Variants in ZCCHC14 observed in about 807,000 individuals in gnomAD.
The protein encoded by ZCCHC14 is zinc finger CCHC-type containing 14, also known as zinc finger CCHC domain-containing protein 14.
Under a neutral mutation model 85.0 loss-of-function variants are expected in ZCCHC14, and 16 were observed. The ratio of observed to expected loss-of-function variants is 0.19; its 90% CI spans 0.13 to 0.29. ZCCHC14 has a LOEUF of 0.29. Ranked by LOEUF, ZCCHC14 falls within the 10% of genes least tolerant of loss-of-function variation. The probability of loss-of-function intolerance (pLI) is 1.00; values close to 1 mark genes in which losing one functional copy is unlikely to be tolerated. For missense variants in ZCCHC14, 1,303 were observed against 1,443.5 expected (o/e 0.90, Z 1.58); for synonymous variants, 775 against 630.7 (o/e 1.23, Z -3.43).
intron 3 of ZCCHC14, among the ~76,000 whole-genome samples, chr16:87,425,574 C>CA (rs1274904709): frequency 0.018 from 2,483 of 139,068 alleles, 55 homozygotes; most frequent in African/African-American, 0.052. Flanking sequence ...GAAACTCTAT[C>CA]AAAAAAAAAA....
chr16:87,421,081 C>A (rs544828576), intron 4 of ZCCHC14, among the ~76,000 whole-genome samples: 2 of 152,372 alleles, frequency 1.3e-5, no homozygotes, highest in South Asian at 4.1e-4. Context: ...TCTGGAGAGA[C>A]AGGTTCCGAT....
chr16:87,417,124 C>T (rs1908827746), intron 8 of ZCCHC14, among the ~76,000 whole-genome samples: 2 of 152,174 alleles, frequency 1.3e-5, no homozygotes, highest in Non-Finnish European at 2.9e-5. Context: ...CCAGCTACGC[C>T]GAGAAATGTC....
At chr16:87,454,790 A>G (rs1430662904) in intron 2 of ZCCHC14, among the ~76,000 whole-genome samples, 1 of 152,228 alleles carries the variant, frequency 6.6e-6, no homozygotes, top group African/African-American at 2.4e-5. Context: ...TACATGGTGC[A>G]GAGCACACGT....
chr16:87,470,188 C>T (rs1911714816), intron 1 of ZCCHC14, among the ~76,000 whole-genome samples: 1 of 151,932 alleles, frequency 6.6e-6, no homozygotes, highest in Admixed American at 6.6e-5. Context: ...AGAAATTACC[C>T]GAGTGTGGTG....
intron 1 of ZCCHC14, among the ~76,000 whole-genome samples, chr16:87,462,760 A>G (rs1466529241): frequency 6.6e-6 from 1 of 150,938 alleles, no homozygotes; most frequent in Non-Finnish European, 1.5e-5. Context: ...AAGAAAAAAG[A>G]AAAAAGAAAA....
At chr16:87,427,862 G>A (rs976617866) in intron 3 of ZCCHC14, among the ~76,000 whole-genome samples, 25 of 151,846 alleles carry the variant, frequency 1.6e-4, no homozygotes, top group Non-Finnish European at 3.4e-4. Flanking sequence ...ACCCAGGCTG[G>A]CTCAAGCGAT....
chr16:87,480,386 G>C (rs1202857558), intron 1 of ZCCHC14, among the ~76,000 whole-genome samples: 1 of 152,052 alleles, frequency 6.6e-6, no homozygotes, highest in Non-Finnish European at 1.5e-5. Flanking sequence ...CTGGGCGACA[G>C]AGCGAGACAC....
chr16:87,455,502 G>A (rs965290309), intron 2 of ZCCHC14, among the ~76,000 whole-genome samples: 8 of 152,160 alleles, frequency 5.3e-5, no homozygotes, highest in Non-Finnish European at 1.0e-4. Flanking sequence ...CATAGAGGGC[G>A]CAAAGTCCTA....
intron 2 of ZCCHC14, among the ~76,000 whole-genome samples, chr16:87,459,319 G>A (rs1036807409): frequency 2.0e-5 from 3 of 151,880 alleles, no homozygotes; most frequent in Admixed American, 6.6e-5. Flanking sequence ...GTGGGGTGGG[G>A]AGGAGGGTGT....
chr16:87,424,830 G>C (rs1297771514), intron 3 of ZCCHC14, among the ~76,000 whole-genome samples: 1 of 152,176 alleles, frequency 6.6e-6, no homozygotes, highest in East Asian at 1.9e-4. Context: ...AGGAGGCCAG[G>C]TCAGGAAGGG....
At chr16:87,430,263 G>A (rs550454450) in intron 3 of ZCCHC14, among the ~76,000 whole-genome samples, 5 of 152,172 alleles carry the variant, frequency 3.3e-5, no homozygotes, top group Admixed American at 1.3e-4. Context: ...TCCTGCATAC[G>A]GACGTCTGTT....
intron 1 of ZCCHC14, among the ~76,000 whole-genome samples, chr16:87,469,883 TG>T (rs1911701719): frequency 6.6e-6 from 1 of 152,148 alleles, no homozygotes; most frequent in Non-Finnish European, 1.5e-5. Context: ...TTCCCTGCAC[TG>T]GGGGCCAGGG....
intron 1 of ZCCHC14, among the ~76,000 whole-genome samples, chr16:87,475,764 A>G (rs1314290238): frequency 2.0e-5 from 3 of 152,154 alleles, no homozygotes; most frequent in Admixed American, 2.0e-4. Context: ...TTCAGGGACA[A>G]TATCACACAG....
chr16:87,414,264 C>T lies in ZCCHC14; in HGVS notation c.1603+150G>A, dbSNP rs1393692952. The T allele has an allele frequency of 2.1e-6, 3 of 1,407,776 alleles. No homozygotes were observed. The East Asian group carries it at 6.8e-5, about 32-fold the overall frequency. The allele number at this position is 1,407,776 out of a possible 1,614,324, so 87.2% of individuals were successfully genotyped here. On this transcript the variant is annotated intron_variant, in intron 10 of 12. Coordinates refer to ENST00000671377, the MANE Select transcript of ZCCHC14 (RefSeq NM_015144.3). The stretch of plus-strand genomic sequence containing the variant: ...CCGGCCCTCTCTGTGTACGAGTAAC[C>T]CACCTGCCCGGCACACGGGCCCTCT...
Position 87,453,232 on chromosome 16 carries a change from G to A in ZCCHC14, c.694+6776C>T, listed in dbSNP as rs143179620. 7.9e-3 allele frequency among the ~76,000 whole-genome samples: 1,196 copies of A among 152,318 alleles called. 14 individuals are homozygous for A. The highest frequency in any genetic ancestry group is 0.058 in the Middle Eastern group (17 of 294). ...ACTAGGGGCAGGTGGCATGACCTGG[G>A]CCCGCTGGGCCACAGTCATGGCAAC... On this transcript the variant is annotated intron_variant, in intron 2 of 12. Coordinates refer to ENST00000671377, the MANE Select transcript of ZCCHC14 (RefSeq NM_015144.3).
chr16:87,440,964 C>G (rs1034970402), intron 2 of ZCCHC14, among the ~76,000 whole-genome samples: 12 of 151,180 alleles, frequency 7.9e-5, no homozygotes, highest in African/African-American at 2.9e-4. Flanking sequence ...TAACATCAGT[C>G]TTCTATCTGC....
At chr16:87,443,770 C>T (rs571017755) in intron 2 of ZCCHC14, among the ~76,000 whole-genome samples, 4 of 151,774 alleles carry the variant, frequency 2.6e-5, no homozygotes, top group East Asian at 1.9e-4. Context: ...GGAGCTGCAG[C>T]TCATGCCTAT....
At chr16:87,477,866 C>T (rs1327211386) in intron 1 of ZCCHC14, among the ~76,000 whole-genome samples, 1 of 150,852 alleles carries the variant, frequency 6.6e-6, no homozygotes, top group African/African-American at 2.4e-5. Context: ...TCACCGCACA[C>T]ACCTGGGGAA....
intron 2 of ZCCHC14, among the ~76,000 whole-genome samples, chr16:87,449,761 T>C (rs1039967827): frequency 6.6e-6 from 1 of 152,160 alleles, no homozygotes; most frequent in Admixed American, 6.5e-5. Context: ...TGACCCAGGA[T>C]AAGCTGGGCA....
Sources: gnomAD v4.1 joint callset for allele counts (sites outside exome capture counted in the v4.1 genomes callset) on GRCh38, gnomAD v4.1.1 for gene constraint, MANE v1.5 for transcripts, NCBI Gene and HGNC (gene_info 2026-07-23, HGNC 2026-07-21) for gene names.